Variants in BBS5 observed in about 807,000 individuals in gnomAD.
BBS5 encodes the protein BBSome complex member BBS5.
BBS5 carries 39 observed loss-of-function variants against 50.2 expected under a neutral mutation model. The observed-to-expected ratio is 0.78, with a 90% CI of 0.60 to 1.01. The LOEUF (loss-of-function observed/expected upper bound fraction) is 1.01, where lower values mean the gene tolerates loss of function less well. Among genes scored for constraint, BBS5 ranks in the 50% least tolerant of loss-of-function variants. The probability of loss-of-function intolerance (pLI) is 0.00; values close to 1 mark genes in which losing one functional copy is unlikely to be tolerated. For missense variants in BBS5, 356 were observed against 401.5 expected, an observed-to-expected ratio of 0.89 and a Z score of 0.97; for synonymous variants, 134 against 133.1, an observed-to-expected ratio of 1.01 and a Z score of -0.05.
At chr2:169,485,583 A>T (rs1196390628) in intron 2 of BBS5, among the ~76,000 whole-genome samples, 1 of 152,230 alleles carries the variant, frequency 6.6e-6, no homozygotes, top group Non-Finnish European at 1.5e-5. Flanking sequence ...AATAGATCTA[A>T]GTCTGAATTT....
intron 5 of BBS5, among the ~76,000 whole-genome samples, chr2:169,490,841 C>A (rs1289838717): frequency 6.6e-6 from 1 of 152,158 alleles, no homozygotes; most frequent in East Asian, 1.9e-4. Context: ...CCCTGATAAC[C>A]TCTAACTTAC....
At chr2:169,489,804 GACATTTTTCAT>G (rs1353730595) in intron 5 of BBS5, among the ~76,000 whole-genome samples, 2 of 133,682 alleles carry the variant, frequency 1.5e-5, no homozygotes, top group Non-Finnish European at 3.2e-5. Context: ...CAGTGAGGTT[GACATTTTTCAT>G]ATATTTTTTG....
At chr2:169,491,955 C>A (rs550241944) in intron 5 of BBS5, among the ~76,000 whole-genome samples, 1 of 152,138 alleles carries the variant, frequency 6.6e-6, no homozygotes, top group East Asian at 2.0e-4. Flanking sequence ...CACCACCACA[C>A]CCGGCTAATT....
intron 9 of BBS5, among the ~76,000 whole-genome samples, chr2:169,502,864 G>A (rs1683834782): frequency 6.6e-6 from 1 of 152,188 alleles, no homozygotes. Context: ...AGTATCTTAA[G>A]TATGTGTAAA....
At chr2:169,499,643 T>C (rs1367614447) in intron 9 of BBS5, 23 bp downstream of exon 9, 1 of 1,611,928 alleles carries the variant, frequency 6.2e-7, no homozygotes, top group East Asian at 2.2e-5. Context: ...GTATGTGAAA[T>C]AAAGTTTGCA....
In BBS5 at chr2:169,479,508, AG is replaced by A. The variant is rs748801702; in HGVS notation, c.-44del. 1 of 1,607,466 alleles carries A rather than the reference AG, an allele frequency of 6.2e-7. No homozygotes were observed. ...GCCTTGGAGCCAGAGAGACGCAGCT[AG>A]GCCTGCACGGCTGTGGAGAGATCCT... On this transcript the variant is annotated 5_prime_UTR_variant, in exon 1 of 12. Transcript: ENST00000295240.
Position 169,503,777 on chromosome 2 carries a change from A to G in BBS5, c.901-526A>G, listed in dbSNP as rs565078959. 9.9e-4 allele frequency among the ~76,000 whole-genome samples: 151 copies of G among 152,326 alleles called. 1 individual carries two copies. Among genetic ancestry groups the G allele is most frequent in the Admixed American group, 4.1e-3 (62 of 15,290 alleles). On this transcript the variant is annotated intron_variant, in intron 10 of 11. Transcript: ENST00000295240. ...AAAATAATAGTGCTTTCTCCATTCT[A>G]TGGCTATGAATCTGACTAGAATACC...
At chr2:169,498,520 T>C (rs190369511) in intron 8 of BBS5, among the ~76,000 whole-genome samples, 1 of 152,072 alleles carries the variant, frequency 6.6e-6, no homozygotes, top group East Asian at 1.9e-4. Flanking sequence ...AAATTGAGGC[T>C]TAGAAAGGTT....
intron 5 of BBS5, among the ~76,000 whole-genome samples, chr2:169,491,279 A>T (rs1156475276): frequency 6.6e-6 from 1 of 152,218 alleles, no homozygotes; most frequent in African/African-American, 2.4e-5. Flanking sequence ...TAATAGTATT[A>T]AAAACACTAT....
chr2:169,487,498 C>T (rs1171822201), intron 3 of BBS5, among the ~76,000 whole-genome samples: 1 of 151,682 alleles, frequency 6.6e-6, no homozygotes, highest in Non-Finnish European at 1.5e-5. Context: ...TTAGATTATC[C>T]AGCTAGACTT....
intron 1 of BBS5, among the ~76,000 whole-genome samples, chr2:169,481,290 C>T (rs1342794395): frequency 6.6e-6 from 1 of 152,104 alleles, no homozygotes; most frequent in Non-Finnish European, 1.5e-5. Flanking sequence ...TTGAGTTGTT[C>T]CCTGAAGAAT....
intron 5 of BBS5, among the ~76,000 whole-genome samples, chr2:169,492,666 C>G (rs1683620056): frequency 6.6e-6 from 1 of 152,036 alleles, no homozygotes; most frequent in Non-Finnish European, 1.5e-5. Flanking sequence ...ATCACTTGAG[C>G]CCAGGAGTTT....
chr2:169,479,550 C>A lies in BBS5; in HGVS notation c.-4C>A. 2 of 1,614,168 alleles carry A rather than the reference C, an allele frequency of 1.2e-6. No homozygotes were observed. The highest frequency in any genetic ancestry group is 2.7e-5 in the African/African-American group (2 of 75,066). On this transcript the variant is annotated 5_prime_UTR_variant, in exon 1 of 12. Coordinates refer to ENST00000295240, the MANE Select transcript of BBS5 (RefSeq NM_152384.3). The stretch of plus-strand genomic sequence containing the variant: ...GAGAGATCCTGCCACGGGCCTTGTT[C>A]ACCATGTCGGTGCTGGATGCGCTTT...
At chr2:169,493,083 A>G in intron 6 of BBS5, 74 bp downstream of exon 6, 1 of 1,514,682 alleles carries the variant, frequency 6.6e-7, no homozygotes, top group Non-Finnish European at 9.1e-7. Flanking sequence ...CATTGGATTT[A>G]TATAGTCAAT....
intron 1 of BBS5, 24 bp downstream of exon 1, chr2:169,479,636 G>A (rs752978521): frequency 5.0e-6 from 8 of 1,613,472 alleles, no homozygotes; most frequent in East Asian, 2.2e-5. Flanking sequence ...ATTCCCGAGG[G>A]ATCTTCAACC....
intron 6 of BBS5, 96 bp downstream of exon 6, chr2:169,493,105 A>AC: frequency 7.2e-7 from 1 of 1,396,610 alleles, no homozygotes; most frequent in Non-Finnish European, 1.0e-6. Flanking sequence ...CTAATTGTTA[A>AC]AATTAGCATT....
At chr2:169,488,943 A>G (rs1683535366) in intron 5 of BBS5, among the ~76,000 whole-genome samples, 3 of 152,100 alleles carry the variant, frequency 2.0e-5, no homozygotes, top group Admixed American at 2.0e-4. Flanking sequence ...TTTTCCCTGA[A>G]GAGTTTTATT....
rs576507394 is a variant in BBS5 at position 169,503,266 on chromosome 2, A to G, written c.900+88A>G. 4.0e-4 allele frequency: 408 copies of G among 1,032,122 alleles called. 1 individual carries two copies. The highest frequency in any genetic ancestry group is 5.5e-4 in the Admixed American group (28 of 50,648). 63.9% of individuals were successfully genotyped at this position (1,032,122 alleles called of 1,614,324 possible). A position where few individuals can be genotyped will look rare whatever the true frequency, so the allele number is the denominator to read the frequency against. On this transcript the variant is annotated intron_variant, in intron 10 of 11. Transcript: ENST00000295240. Reference sequence around the variant, plus strand: ...AATAATGGTGTGTGTGAAACACCATATAACTTGAGATTTTGATGGTGTCTT... The same window carrying G: ...AATAATGGTGTGTGTGAAACACCATGTAACTTGAGATTTTGATGGTGTCTT...
Position 169,505,080 on chromosome 2 carries a change from G to C in BBS5, c.*498G>C, listed in dbSNP as rs555104065. 39 of 1,253,024 alleles carry C rather than the reference G, an allele frequency of 3.1e-5. No homozygotes were observed. Among genetic ancestry groups the C allele is most frequent in the Non-Finnish European group, 3.9e-5 (34 of 869,212 alleles). 77.6% of individuals were successfully genotyped at this position (1,253,024 alleles called of 1,614,324 possible). ...CCTGATTCTCCTGCCTCAGCCTGCCGAGTGCCTGCGATTACAGGCGCGCGC... is the reference window on the plus strand; with the variant it reads ...CCTGATTCTCCTGCCTCAGCCTGCCCAGTGCCTGCGATTACAGGCGCGCGC... On this transcript the variant is annotated 3_prime_UTR_variant, in exon 12 of 12. Transcript: ENST00000295240.
Sources: allele counts gnomAD v4.1 joint callset (sites outside exome capture counted in the v4.1 genomes callset), GRCh38; gene constraint gnomAD v4.1.1; transcripts MANE v1.5; gene names NCBI Gene and HGNC (gene_info 2026-07-23, HGNC 2026-07-21).